Variants in DLG2 observed in about 807,000 individuals in gnomAD.
The protein encoded by DLG2 is disks large homolog 2.
DLG2 carries 45 observed loss-of-function variants against 132.5 expected under a neutral mutation model. The observed-to-expected ratio is 0.34, with a 90% CI of 0.27 to 0.44. The LOEUF (loss-of-function observed/expected upper bound fraction) is 0.44, where lower values mean the gene tolerates loss of function less well. Ranked by LOEUF, DLG2 falls within the 20% of genes least tolerant of loss-of-function variation. The pLI is 1.00. For synonymous variants in DLG2, 424 were observed against 419.6 expected, an observed-to-expected ratio of 1.01 and a Z score of -0.13; for missense variants, 1,045 against 1,196.9, an observed-to-expected ratio of 0.87 and a Z score of 1.87.
chr11:84,599,838 C>T (rs2099571528), intron 6 of DLG2, among the ~76,000 whole-genome samples: 2 of 151,858 alleles, frequency 1.3e-5, no homozygotes, highest in Non-Finnish European at 2.9e-5. Context: ...TCAAGATCAG[C>T]CAGGGTAACA....
At position 85,505,576 on chromosome 11, in the gene DLG2, A is replaced by G. The variant is rs548081591; in HGVS notation, c.40+93081T>C. On this transcript the variant is annotated intron_variant, in intron 3 of 27. Transcript: ENST00000376104. ...GCATCCCAGAGCTGAAGCCGACTTG[A>G]TGGTGGTGGATAAGATTTCTGATGT... Among the ~76,000 whole-genome samples, 3 of 152,264 alleles carry G rather than the reference A, an allele frequency of 2.0e-5. No homozygotes were observed. The East Asian group carries it at 5.8e-4, about 29-fold the overall frequency.
intron 19 of DLG2, among the ~76,000 whole-genome samples, chr11:83,553,811 G>A (rs1470932213): frequency 4.0e-5 from 6 of 151,434 alleles, no homozygotes; most frequent in African/African-American, 1.5e-4. Flanking sequence ...AAGAGATCCA[G>A]TACATTATGT....
chr11:84,256,527 G>A (rs968034470), intron 7 of DLG2, among the ~76,000 whole-genome samples: 4 of 152,200 alleles, frequency 2.6e-5, no homozygotes, highest in African/African-American at 7.2e-5. Flanking sequence ...TAGGAACTAT[G>A]CAGGGATTTC....
At chr11:84,039,343 G>T (rs1449224362) in intron 11 of DLG2, among the ~76,000 whole-genome samples, 3 of 149,004 alleles carry the variant, frequency 2.0e-5, no homozygotes, top group African/African-American at 2.5e-5. Context: ...ACCATTAGGT[G>T]TATCTCCTAA....
At chr11:85,359,539 C>T (rs765056053) in intron 3 of DLG2, among the ~76,000 whole-genome samples, 2 of 152,162 alleles carry the variant, frequency 1.3e-5, no homozygotes, top group African/African-American at 2.4e-5. Context: ...ATGCTGAGCA[C>T]TGTGGGAGAA....
At chr11:85,109,228 T>C (rs2072312194) in intron 6 of DLG2, among the ~76,000 whole-genome samples, 1 of 152,092 alleles carries the variant, frequency 6.6e-6, no homozygotes, top group Non-Finnish European at 1.5e-5. Context: ...GCACAACTCC[T>C]TCAGAAAATA....
intron 19 of DLG2, among the ~76,000 whole-genome samples, chr11:83,616,141 C>G (rs2060771575): frequency 6.6e-6 from 1 of 152,098 alleles, no homozygotes; most frequent in African/African-American, 2.4e-5. Flanking sequence ...TTTACCTATT[C>G]TATTGTTGAT....
intron 7 of DLG2, 146 bp downstream of exon 7, chr11:84,534,424 A>C: frequency 1.4e-6 from 1 of 694,908 alleles, no homozygotes; most frequent in Non-Finnish European, 2.4e-6. Flanking sequence ...GTGGGCCTCC[A>C]ATGCACAAGA....
intron 3 of DLG2, among the ~76,000 whole-genome samples, chr11:85,551,206 T>C (rs550694822): frequency 2.0e-3 from 299 of 152,192 alleles, no homozygotes; most frequent in Non-Finnish European, 3.3e-3. Context: ...ACTGAGTAGA[T>C]AGTATACATA....
At chr11:85,358,584 C>T (rs1044110626) in intron 3 of DLG2, among the ~76,000 whole-genome samples, 1 of 152,188 alleles carries the variant, frequency 6.6e-6, no homozygotes, top group African/African-American at 2.4e-5. Context: ...AAGGCAAAGA[C>T]TATAAAATCA....
intron 17 of DLG2, among the ~76,000 whole-genome samples, chr11:83,823,463 C>T (rs6592144): frequency 0.68 from 103,576 of 152,048 alleles, 35,907 homozygotes; most frequent in Middle Eastern, 0.87. Flanking sequence ...AGGAATTCCT[C>T]TTAGTCAATT....
chr11:85,001,855 AG>A (rs1288956092), intron 6 of DLG2, among the ~76,000 whole-genome samples: 1 of 152,172 alleles, frequency 6.6e-6, no homozygotes, highest in African/African-American at 2.4e-5. Flanking sequence ...GGGGACAAGG[AG>A]TATATGGGAA....
chr11:85,321,436 T>C (rs990025778), intron 3 of DLG2, among the ~76,000 whole-genome samples: 2 of 152,036 alleles, frequency 1.3e-5, no homozygotes, highest in Admixed American at 6.6e-5. Context: ...GTTGGAATTA[T>C]ATAGATTGCA....
At chr11:84,487,735 C>T (rs1002760850) in intron 7 of DLG2, among the ~76,000 whole-genome samples, 3 of 151,766 alleles carry the variant, frequency 2.0e-5, no homozygotes, top group Non-Finnish European at 2.9e-5. Flanking sequence ...TAAGAAAAAC[C>T]ATGGGGATTG....
At chr11:85,295,028 A>T (rs979359822) in intron 3 of DLG2, among the ~76,000 whole-genome samples, 6 of 152,066 alleles carry the variant, frequency 3.9e-5, no homozygotes, top group African/African-American at 1.4e-4. Flanking sequence ...CACTAAATAA[A>T]CTCAAGATAT....
chr11:85,319,777 A>T (rs901241463), intron 3 of DLG2, among the ~76,000 whole-genome samples: 1 of 151,854 alleles, frequency 6.6e-6, no homozygotes, highest in Non-Finnish European at 1.5e-5. Context: ...ATGCTCTCTA[A>T]TTCTTAAGGA....
At chr11:84,058,730 G>T (rs928062322) in intron 11 of DLG2, among the ~76,000 whole-genome samples, 1 of 151,024 alleles carries the variant, frequency 6.6e-6, no homozygotes, top group Non-Finnish European at 1.5e-5. Flanking sequence ...ACAAAAATTA[G>T]GGTGGTAATT....
chr11:84,888,749 CTCT>C (rs1321771397), intron 6 of DLG2, among the ~76,000 whole-genome samples: 2 of 152,132 alleles, frequency 1.3e-5, no homozygotes, highest in Non-Finnish European at 2.9e-5. Context: ...ACTATCAACC[CTCT>C]TCTTCCTTCA....
chr11:83,661,558 A>T (rs943765915), intron 18 of DLG2, among the ~76,000 whole-genome samples: 2 of 151,640 alleles, frequency 1.3e-5, no homozygotes, highest in African/African-American at 4.8e-5. Flanking sequence ...TATAATATTA[A>T]TTTTTTTTTG....
Sources: allele counts gnomAD v4.1 joint callset (sites outside exome capture counted in the v4.1 genomes callset), GRCh38; gene constraint gnomAD v4.1.1; transcripts MANE v1.5; gene names NCBI Gene and HGNC (gene_info 2026-07-23, HGNC 2026-07-21).